SLIT3: variants seen among roughly 807,000 people sequenced by gnomAD.
SLIT3 encodes slit homolog 3 protein.
SLIT3 carries 68 observed loss-of-function variants against 184.0 expected under a neutral mutation model. The observed-to-expected ratio is 0.37, with a 90% CI of 0.30 to 0.45. The LOEUF (loss-of-function observed/expected upper bound fraction) is 0.45. Among genes scored for constraint, SLIT3 ranks in the 20% least tolerant of loss-of-function variants. The pLI is 1.00. For synonymous variants in SLIT3, 831 were observed against 828.6 expected (o/e 1.00, Z -0.05); for missense variants, 1,707 against 2,026.0 (o/e 0.84, Z 3.02).
intron 4 of SLIT3, among the ~76,000 whole-genome samples, chr5:169,087,350 A>G (rs1044195718): frequency 2.6e-5 from 4 of 152,184 alleles, no homozygotes; most frequent in South Asian, 2.1e-4. Flanking sequence ...TCTCCCAGGT[A>G]GGCCCAGGGC....
intron 1 of SLIT3, among the ~76,000 whole-genome samples, chr5:169,274,445 G>C (rs988300612): frequency 1.3e-5 from 2 of 152,196 alleles, no homozygotes. Flanking sequence ...ATAAAAAACA[G>C]ATAAGATAAT....
At chr5:169,108,421 C>A (rs1213832585) in intron 4 of SLIT3, among the ~76,000 whole-genome samples, 1 of 152,188 alleles carries the variant, frequency 6.6e-6, no homozygotes, top group Non-Finnish European at 1.5e-5. Flanking sequence ...ACCATGGATC[C>A]AAAGTCCAGA....
chr5:169,214,576 G>C (rs1280619312), intron 3 of SLIT3, among the ~76,000 whole-genome samples: 1 of 151,866 alleles, frequency 6.6e-6, no homozygotes, highest in Non-Finnish European at 1.5e-5. Context: ...AGAGGGGATG[G>C]TGGTGGTGGA....
intron 4 of SLIT3, among the ~76,000 whole-genome samples, chr5:169,161,158 A>G (rs1762464599): frequency 6.6e-6 from 1 of 152,144 alleles, no homozygotes; most frequent in Non-Finnish European, 1.5e-5. Context: ...CTCCTCTGAC[A>G]ATGAAATATG....
At chr5:168,773,168 C>T (rs1755621542) in intron 13 of SLIT3, among the ~76,000 whole-genome samples, 1 of 152,164 alleles carries the variant, frequency 6.6e-6, no homozygotes, top group Non-Finnish European at 1.5e-5. Context: ...AGCATCTGGT[C>T]TGGGGAATCG....
chr5:168,672,699 C>T (rs534410036), intron 33 of SLIT3, among the ~76,000 whole-genome samples: 1 of 152,284 alleles, frequency 6.6e-6, no homozygotes, highest in Non-Finnish European at 1.5e-5. Flanking sequence ...GCCTCCAACT[C>T]CTGGGCTCAA....
intron 4 of SLIT3, among the ~76,000 whole-genome samples, chr5:169,092,325 G>T (rs968955126): frequency 1.3e-5 from 2 of 152,220 alleles, no homozygotes; most frequent in Non-Finnish European, 2.9e-5. Flanking sequence ...ACCAAGGATG[G>T]TGAGTAAATG....
At chr5:168,763,904 G>C (rs768062645) in intron 14 of SLIT3, among the ~76,000 whole-genome samples, 12 of 152,224 alleles carry the variant, frequency 7.9e-5, no homozygotes, top group Non-Finnish European at 1.5e-4. Flanking sequence ...ATTGGGAAGT[G>C]TTTCAGAGAA....
chr5:168,885,238 G>C lies in SLIT3; in HGVS notation c.414-1902C>G, dbSNP rs541578322. On this transcript the variant is annotated intron_variant, in intron 4 of 35. Coordinates refer to ENST00000519560, the MANE Select transcript of SLIT3 (RefSeq NM_003062.4). Reference sequence around the variant, plus strand: ...GTAGAGTGCCGGTGTGAGTACTAGTGGCTTCTGGGGCTGAGTAACAGGGTG... The same window carrying C: ...GTAGAGTGCCGGTGTGAGTACTAGTCGCTTCTGGGGCTGAGTAACAGGGTG... 6.6e-5 allele frequency among the ~76,000 whole-genome samples: 10 copies of C among 152,264 alleles called. No individual in the cohort carries two copies. In the South Asian group the frequency reaches 2.1e-3, roughly 32 times the overall value.
At chr5:169,095,087 G>A (rs180790923) in intron 4 of SLIT3, among the ~76,000 whole-genome samples, 7 of 152,156 alleles carry the variant, frequency 4.6e-5, no homozygotes, top group Admixed American at 2.0e-4. Flanking sequence ...AAATAATCTC[G>A]GTAGTTTTGA....
intron 4 of SLIT3, among the ~76,000 whole-genome samples, chr5:168,899,333 CAG>C (rs1229835670): frequency 6.6e-6 from 1 of 152,072 alleles, no homozygotes. Flanking sequence ...TTAGGTAACA[CAG>C]GGAAATCCCA....
intron 4 of SLIT3, among the ~76,000 whole-genome samples, chr5:169,073,417 T>C (rs1414116462): frequency 6.6e-6 from 1 of 151,962 alleles, no homozygotes; most frequent in Admixed American, 6.6e-5. Context: ...TTCTCATCTT[T>C]GGTACTGCAC....
chr5:169,147,227 C>G (rs571685728), intron 4 of SLIT3, among the ~76,000 whole-genome samples: 1 of 152,336 alleles, frequency 6.6e-6, no homozygotes, highest in African/African-American at 2.4e-5. Context: ...GGGTCTGGCA[C>G]ATAGCAGGAC....
chr5:168,778,753 G>C (rs889765222), intron 12 of SLIT3, among the ~76,000 whole-genome samples: 1 of 152,180 alleles, frequency 6.6e-6, no homozygotes, highest in South Asian at 2.1e-4. Context: ...ACACAAGGTG[G>C]GATGTCCCAG....
chr5:169,029,432 G>T (rs1319915703), intron 4 of SLIT3, among the ~76,000 whole-genome samples: 1 of 152,212 alleles, frequency 6.6e-6, no homozygotes, highest in African/African-American at 2.4e-5. Context: ...CGGACCTACT[G>T]CATCAGAGAC....
At chr5:168,748,216 C>T (rs551121901) in intron 20 of SLIT3, 86 bp downstream of exon 20, 3 of 1,385,632 alleles carry the variant, frequency 2.2e-6, no homozygotes, top group South Asian at 1.9e-5. Context: ...CGCCATGTTG[C>T]CTTGCTTGAG....
At chr5:168,794,031 T>C (rs1280801468) in intron 10 of SLIT3, among the ~76,000 whole-genome samples, 1 of 152,194 alleles carries the variant, frequency 6.6e-6, no homozygotes, top group Non-Finnish European at 1.5e-5. Flanking sequence ...GATGGGAAGT[T>C]GGCTTCCCAA....
At chr5:169,011,016 T>C (rs1349481128) in intron 4 of SLIT3, among the ~76,000 whole-genome samples, 1 of 151,502 alleles carries the variant, frequency 6.6e-6, no homozygotes, top group African/African-American at 2.4e-5. Flanking sequence ...AGATGAGAAA[T>C]GTGGGTCTAA....
intron 1 of SLIT3, among the ~76,000 whole-genome samples, chr5:169,271,707 C>T (rs2113632557): frequency 6.6e-6 from 1 of 152,282 alleles, no homozygotes; most frequent in South Asian, 2.1e-4. Context: ...GCAAGAAAGC[C>T]CTGGAAGCTA....
Sources: allele counts gnomAD v4.1 joint callset (sites outside exome capture counted in the v4.1 genomes callset), GRCh38; gene constraint gnomAD v4.1.1; transcripts MANE v1.5; gene names NCBI Gene and HGNC (gene_info 2026-07-23, HGNC 2026-07-21).